THSD7A: variants seen among roughly 807,000 people sequenced by gnomAD.
THSD7A encodes the protein thrombospondin type-1 domain-containing protein 7A.
Under a neutral mutation model 231.3 loss-of-function variants are expected in THSD7A, and 96 were observed. The observed-to-expected ratio is 0.41, with a 90% CI of 0.35 to 0.49. The LOEUF is 0.49. Among genes scored for constraint, THSD7A ranks in the 20% least tolerant of loss-of-function variants. The probability of loss-of-function intolerance (pLI) is 0.05; values close to 1 mark genes in which losing one functional copy is unlikely to be tolerated. For missense variants in THSD7A, 2,290 were observed against 2,070.2 expected (o/e 1.11, Z -2.06); for synonymous variants, 940 against 743.3 (o/e 1.26, Z -4.30).
intron 16 of THSD7A, among the ~76,000 whole-genome samples, chr7:11,423,643 T>A (rs1289053954): frequency 6.6e-6 from 1 of 152,056 alleles, no homozygotes; most frequent in Non-Finnish European, 1.5e-5. Flanking sequence ...TGGTTGGATG[T>A]TTTTATATTT....
chr7:11,794,017 G>C (rs1220714455), intron 1 of THSD7A, among the ~76,000 whole-genome samples: 1 of 151,810 alleles, frequency 6.6e-6, no homozygotes, highest in East Asian at 1.9e-4. Context: ...AAACGAATGT[G>C]AAATAATGAG....
At chr7:11,737,980 T>C (rs1781973700) in intron 1 of THSD7A, among the ~76,000 whole-genome samples, 2 of 152,008 alleles carry the variant, frequency 1.3e-5, no homozygotes, top group South Asian at 4.1e-4. Flanking sequence ...GACTCTCTCA[T>C]TATTCTAGAT....
At chr7:11,552,746 C>T (rs1789683401) in intron 4 of THSD7A, among the ~76,000 whole-genome samples, 2 of 152,044 alleles carry the variant, frequency 1.3e-5, no homozygotes, top group Non-Finnish European at 2.9e-5. Flanking sequence ...GAGCCACATA[C>T]GTGTACAGTA....
chr7:11,379,634 C>A lies in THSD7A; in HGVS notation c.4586G>T (p.Ser1529Ile). The change falls in exon 25 of 28, where the codon AGC (serine) becomes ATC (isoleucine). Residue 1529 changes from serine (S) to isoleucine (I), a missense_variant. Ser to Ile is a moderately radical substitution (Grantham distance 142, BLOSUM62 -2). Transcript: ENST00000423059. ...CCCTGATGAATTTTCACATACCTCG[C>A]TACAGTACGAGTGGGGTTGACTACA... ...PPCSQPHSYC[S>I]ETKTCHCEEG... 1 of 1,580,042 alleles carries A rather than the reference C, an allele frequency of 6.3e-7. No individual in the cohort carries two copies. Among genetic ancestry groups the A allele is most frequent in the Non-Finnish European group, 8.6e-7 (1 of 1,162,158 alleles).
At chr7:11,819,652 G>A (rs77006997) in intron 1 of THSD7A, among the ~76,000 whole-genome samples, 9 of 152,164 alleles carry the variant, frequency 5.9e-5, no homozygotes. Flanking sequence ...CTTTGCTAGG[G>A]ATTTGGGAGG....
intron 2 of THSD7A, among the ~76,000 whole-genome samples, chr7:11,618,881 T>C (rs1371853553): frequency 6.6e-6 from 1 of 152,038 alleles, no homozygotes; most frequent in East Asian, 1.9e-4. Flanking sequence ...ATATATAATG[T>C]AATGCATAAT....
At chr7:11,649,141 A>AGTCTG (rs1782397578) in intron 1 of THSD7A, among the ~76,000 whole-genome samples, 1 of 151,992 alleles carries the variant, frequency 6.6e-6, no homozygotes, top group African/African-American at 2.4e-5. Context: ...TGGTTCATTC[A>AGTCTG]GTCTGGGGGA....
At chr7:11,557,337 A>T (rs917897409) in intron 4 of THSD7A, among the ~76,000 whole-genome samples, 10 of 152,014 alleles carry the variant, frequency 6.6e-5, no homozygotes, top group Admixed American at 2.6e-4. Context: ...TACATCTTCA[A>T]TTAATTTGCT....
chr7:11,486,567 T>C (rs1371541879), intron 6 of THSD7A, among the ~76,000 whole-genome samples: 1 of 148,620 alleles, frequency 6.7e-6, no homozygotes, highest in African/African-American at 2.5e-5. Context: ...TTTGTGTAGT[T>C]CTATCACTGG....
chr7:11,733,236 G>A (rs1415901842), intron 1 of THSD7A, among the ~76,000 whole-genome samples: 1 of 151,800 alleles, frequency 6.6e-6, no homozygotes. Flanking sequence ...CTCATGGACT[G>A]TAAGTGTAAG....
chr7:11,401,122 A>T (rs1783387716), intron 23 of THSD7A, among the ~76,000 whole-genome samples: 1 of 152,148 alleles, frequency 6.6e-6, no homozygotes, highest in Non-Finnish European at 1.5e-5. Flanking sequence ...AAATATAGTA[A>T]AATCTCACAC....
In THSD7A at chr7:11,758,010, C is replaced by CATATATATATATATAT. The variant is rs3037680; in HGVS notation, c.190+73731_190+73746dup. Reference sequence around the variant, plus strand: ...CTAACATTATATATACATATGCATTCATATATATATATATATATATATATA... The same window carrying CATATATATATATATAT: ...CTAACATTATATATACATATGCATTCATATATATATATATATATATATATATATATATATATATATA... On this transcript the variant is annotated intron_variant, in intron 1 of 27. Coordinates refer to ENST00000423059, the MANE Select transcript of THSD7A (RefSeq NM_015204.3). Among the ~76,000 whole-genome samples the CATATATATATATATAT allele has an allele frequency of 2.5e-4, 36 of 142,810 alleles. No individual in the cohort carries two copies. In the East Asian group the frequency reaches 5.0e-3, roughly 20 times the overall value. 93.7% of individuals were successfully genotyped at this position (142,810 alleles called of 152,430 possible).
chr7:11,387,718 C>T (rs190204091), intron 23 of THSD7A, among the ~76,000 whole-genome samples: 119 of 152,086 alleles, frequency 7.8e-4, no homozygotes, highest in African/African-American at 2.6e-3. Flanking sequence ...CTTGCCTGAA[C>T]GCCCTGGCCA....
rs748808575 is a variant in THSD7A at position 11,637,094 on chromosome 7, C to T, written c.191-133G>A. On this transcript the variant is annotated intron_variant, in intron 1 of 27. Transcript: ENST00000423059. This position sits in a 1 kb window ranked among gnomAD's most constrained non-coding sequence, Gnocchi z 4.2. ...GTGTTACAAAGTAGGTCTCTGGACA[C>T]GACTGTTGGAAAGTAATGATCCTCG... 2.5e-6 allele frequency: 2 copies of T among 794,280 alleles called. No homozygotes were observed. The highest frequency in any genetic ancestry group is 2.7e-5 in the East Asian group (1 of 37,718). The allele number at this position is 794,280 out of a possible 1,614,324, so 49.2% of individuals were successfully genotyped here.
intron 6 of THSD7A, among the ~76,000 whole-genome samples, chr7:11,489,079 C>G (rs1222254909): frequency 6.6e-6 from 1 of 152,088 alleles, no homozygotes; most frequent in Non-Finnish European, 1.5e-5. Context: ...CCTTTACTTC[C>G]ATTAGCCTAT....
At chr7:11,744,252 A>C (rs928300819) in intron 1 of THSD7A, among the ~76,000 whole-genome samples, 2 of 151,752 alleles carry the variant, frequency 1.3e-5, no homozygotes, top group African/African-American at 4.8e-5. Context: ...CAAACCCTAC[A>C]TTTCTCCTGA....
At chr7:11,693,308 A>T (rs1276898330) in intron 1 of THSD7A, among the ~76,000 whole-genome samples, 1 of 151,568 alleles carries the variant, frequency 6.6e-6, no homozygotes, top group Non-Finnish European at 1.5e-5. Flanking sequence ...AAATTTACAC[A>T]TCTAAGGTAC....
chr7:11,414,823 T>C (rs1337984800), intron 17 of THSD7A, among the ~76,000 whole-genome samples: 1 of 152,182 alleles, frequency 6.6e-6, no homozygotes. Flanking sequence ...TAATGTGTAT[T>C]ATATAAAGGT....
chr7:11,522,961 G>T (rs937185163), intron 6 of THSD7A, among the ~76,000 whole-genome samples: 1 of 152,062 alleles, frequency 6.6e-6, no homozygotes, highest in African/African-American at 2.4e-5. Context: ...TGTAGAATTT[G>T]AATCCAAAGG....
Sources: allele counts gnomAD v4.1 joint callset (sites outside exome capture counted in the v4.1 genomes callset), GRCh38; gene constraint gnomAD v4.1.1; non-coding constraint Gnocchi (gnomAD v3.1); transcripts MANE v1.5; gene names NCBI Gene and HGNC (gene_info 2026-07-23, HGNC 2026-07-21).